Variants in DTNA observed in about 807,000 individuals in gnomAD.
The protein encoded by DTNA is dystrophin-related protein 3.
DTNA carries 43 observed loss-of-function variants against 100.7 expected under a neutral mutation model. That is an observed-to-expected ratio of 0.43 (90% CI 0.33 to 0.55). DTNA has a LOEUF of 0.55. DTNA is among the 20% of genes least tolerant of loss of function. The probability of loss-of-function intolerance (pLI) is 0.04; values close to 1 mark genes in which losing one functional copy is unlikely to be tolerated. For missense variants in DTNA, 798 were observed against 953.9 expected (o/e 0.84, Z 2.15); for synonymous variants, 349 against 347.9 (o/e 1.00, Z -0.04).
intron 1 of DTNA, among the ~76,000 whole-genome samples, chr18:34,718,645 G>T: frequency 6.6e-6 from 1 of 152,138 alleles, no homozygotes; most frequent in Non-Finnish European, 1.5e-5. Flanking sequence ...AAAAAAGAAG[G>T]GTGGAAAATG....
intron 1 of DTNA, among the ~76,000 whole-genome samples, chr18:34,623,002 A>C (rs1440987745): frequency 1.3e-5 from 2 of 152,184 alleles, no homozygotes; most frequent in African/African-American, 4.8e-5. Flanking sequence ...AACCTTGACT[A>C]ATACAGATGG....
At chr18:34,554,229 C>T in intron 1 of DTNA, among the ~76,000 whole-genome samples, 1 of 126,374 alleles carries the variant, frequency 7.9e-6, no homozygotes, top group Non-Finnish European at 1.7e-5. Flanking sequence ...GATTTTGTAT[C>T]CTGAGACTTT....
intron 22 of DTNA, among the ~76,000 whole-genome samples, chr18:34,887,003 A>G (rs976184967): frequency 1.3e-5 from 2 of 152,198 alleles, no homozygotes; most frequent in African/African-American, 4.8e-5. Flanking sequence ...TGTGTCTCTT[A>G]TCCAAGGGTT....
At chr18:34,765,201 G>C (rs113068995) in intron 2 of DTNA, among the ~76,000 whole-genome samples, 4 of 152,174 alleles carry the variant, frequency 2.6e-5, no homozygotes, top group Non-Finnish European at 4.4e-5. Context: ...CTAAGTGGGA[G>C]AGTGAAATAA....
intron 1 of DTNA, among the ~76,000 whole-genome samples, chr18:34,650,621 A>G (rs1323879927): frequency 6.6e-6 from 1 of 152,176 alleles, no homozygotes; most frequent in Non-Finnish European, 1.5e-5. Flanking sequence ...CTCTGTTAGC[A>G]TTCAATAAAC....
intron 1 of DTNA, among the ~76,000 whole-genome samples, chr18:34,565,895 C>G (rs897372986): frequency 6.6e-6 from 1 of 152,146 alleles, no homozygotes; most frequent in African/African-American, 2.4e-5. Flanking sequence ...CATTGCAGAT[C>G]GGGTTTGAGG....
chr18:34,639,235 G>T (rs2058993667), intron 1 of DTNA, among the ~76,000 whole-genome samples: 1 of 152,168 alleles, frequency 6.6e-6, no homozygotes, highest in Non-Finnish European at 1.5e-5. Flanking sequence ...TTTGTTGTGG[G>T]CAGCTGTCCT....
In DTNA at chr18:34,652,195, A is replaced by G. The variant is rs186694425; in HGVS notation, c.-1-103781A>G. Reference sequence around the variant, plus strand: ...GAAGGTGAGTAGGAGTTAGCCAGACAGAGGGCGGGGGAGGGAGGACAAAAG... The same window carrying G: ...GAAGGTGAGTAGGAGTTAGCCAGACGGAGGGCGGGGGAGGGAGGACAAAAG... On this transcript the variant is annotated intron_variant, in intron 1 of 19. Coordinates refer to the DTNA transcript ENST00000283365. Among the ~76,000 whole-genome samples, 4 of 149,932 alleles carry G rather than the reference A, an allele frequency of 2.7e-5. No homozygotes were observed. The East Asian group carries it at 8.0e-4, about 30-fold the overall frequency.
chr18:34,528,000 G>A (rs1005715439), intron 1 of DTNA, among the ~76,000 whole-genome samples: 1 of 152,058 alleles, frequency 6.6e-6, no homozygotes, highest in Non-Finnish European at 1.5e-5. Flanking sequence ...TCTTTTTGGA[G>A]TACACAGGAA....
intron 3 of DTNA, among the ~76,000 whole-genome samples, chr18:34,772,598 A>T (rs2093834755): frequency 6.6e-6 from 1 of 152,208 alleles, no homozygotes; most frequent in South Asian, 2.1e-4. Flanking sequence ...TTTTAGTAGT[A>T]AACACTAATA....
intron 1 of DTNA, among the ~76,000 whole-genome samples, chr18:34,751,904 G>A (rs1309577284): frequency 6.6e-6 from 1 of 152,164 alleles, no homozygotes; most frequent in Non-Finnish European, 1.5e-5. Context: ...GTTTGACAAA[G>A]TATAGCTACT....
chr18:34,806,165 A>T, intron 4 of DTNA, 54 bp from the exon 5 acceptor site: 1 of 1,493,516 alleles, frequency 6.7e-7, no homozygotes, highest in Non-Finnish European at 9.3e-7. Context: ...TCCAAATGAC[A>T]TCATGGTTTT....
intron 1 of DTNA, among the ~76,000 whole-genome samples, chr18:34,552,527 C>G (rs8083596): frequency 2.6e-5 from 3 of 114,054 alleles, no homozygotes; most frequent in South Asian, 3.8e-4. Context: ...ATCCCTCCCC[C>G]CTCCCCCCAC....
chr18:34,607,876 A>G (rs2053456764), intron 1 of DTNA, among the ~76,000 whole-genome samples: 1 of 152,216 alleles, frequency 6.6e-6, no homozygotes, highest in Admixed American at 6.5e-5. Flanking sequence ...GAAAAAGGCC[A>G]AAGAGGTAGC....
intron 21 of DTNA, 81 bp downstream of exon 21, chr18:34,882,282 A>T: frequency 6.4e-7 from 1 of 1,565,068 alleles, no homozygotes; most frequent in Non-Finnish European, 8.7e-7. Context: ...GACTTGCAGA[A>T]TCAGAGCCTT....
At chr18:34,660,153 C>G (rs12956756) in intron 1 of DTNA, among the ~76,000 whole-genome samples, 16,444 of 152,004 alleles carry the variant, frequency 0.11, 1,281 homozygotes, top group African/African-American at 0.22. Context: ...TTCTAAGACA[C>G]CATGGGCATC....
At chr18:34,655,570 A>G (rs1318701019) in intron 1 of DTNA, among the ~76,000 whole-genome samples, 1 of 152,182 alleles carries the variant, frequency 6.6e-6, no homozygotes, top group Admixed American at 6.5e-5. Context: ...CTTTCAATTT[A>G]CTCATGTGTC....
rs956753549 is a variant in DTNA, at chr18:34,815,655, G to T, written c.604-254G>T. 4.6e-5 allele frequency: 20 copies of T among 436,254 alleles called. No homozygotes were observed. In the Admixed American group the frequency reaches 6.5e-4, roughly 14 times the overall value. The allele number at this position is 436,254 out of a possible 1,614,324, so 27.0% of individuals were successfully genotyped here. On this transcript the variant is annotated intron_variant, in intron 6 of 22. Coordinates refer to ENST00000444659, the MANE Select transcript of DTNA (RefSeq NM_001386795.1). ...ATATACAAATGATGCTCTTGGAATT[G>T]TTTTTCTCCTGGTGATACTATTGAC...
At position 34,889,841 on chromosome 18, in the gene DTNA, AGATT is replaced by A. The variant is rs1333070063; in HGVS notation, c.*2112_*2115del. On this transcript the variant is annotated 3_prime_UTR_variant, in exon 23 of 23. Transcript: ENST00000444659. ...GCACAGTTCTCAGATTTCTTTGCACAGATTGATTTTTATTGCGGGTTTTGTTGGG... is the reference window on the plus strand; with the variant it reads ...GCACAGTTCTCAGATTTCTTTGCACAGATTTTTATTGCGGGTTTTGTTGGG... 2.0e-6 allele frequency: 2 copies of A among 994,694 alleles called. No homozygotes were observed. The highest frequency in any genetic ancestry group is 3.5e-5 in the African/African-American group (2 of 57,340). The allele number at this position is 994,694 out of a possible 1,614,324, so 61.6% of individuals were successfully genotyped here. A position where few individuals can be genotyped will look rare whatever the true frequency, so the allele number is the denominator to read the frequency against.
Sources: allele counts gnomAD v4.1 joint callset (sites outside exome capture counted in the v4.1 genomes callset), GRCh38; gene constraint gnomAD v4.1.1; transcripts MANE v1.5; gene names NCBI Gene and HGNC (gene_info 2026-07-23, HGNC 2026-07-21).